MYRIP: variants seen among roughly 807,000 people sequenced by gnomAD.
MYRIP encodes the protein rab effector MyRIP.
In MYRIP, 49 loss-of-function variants were observed where a neutral mutation model predicts 98.0. The observed-to-expected ratio is 0.50, with a 90% CI of 0.40 to 0.63. The LOEUF (loss-of-function observed/expected upper bound fraction) is 0.63. MYRIP is among the 30% of genes least tolerant of loss of function. The pLI is 0.00. For missense variants in MYRIP, 1,004 were observed against 1,058.2 expected (o/e 0.95, Z 0.71); for synonymous variants, 404 against 409.5 (o/e 0.99, Z 0.16).
At chr3:40,028,793 T>C (rs540511531) in intron 2 of MYRIP, among the ~76,000 whole-genome samples, 24 of 152,286 alleles carry the variant, frequency 1.6e-4, no homozygotes, top group African/African-American at 5.5e-4. Context: ...AGTCATACTA[T>C]ACAATTCTGC....
chr3:40,216,717 GA>G (rs1387883846), intron 11 of MYRIP, among the ~76,000 whole-genome samples: 2 of 152,102 alleles, frequency 1.3e-5, no homozygotes, highest in Non-Finnish European at 2.9e-5. Flanking sequence ...CCATTGGGGG[GA>G]AAACCCTCTC....
chr3:39,815,195 C>T (rs961115839), intron 1 of MYRIP, among the ~76,000 whole-genome samples: 1 of 152,170 alleles, frequency 6.6e-6, no homozygotes, highest in Non-Finnish European at 1.5e-5. Context: ...CTGCCACACA[C>T]CCAGCCCTAG....
At chr3:40,114,289 C>T (rs1031245389) in intron 3 of MYRIP, among the ~76,000 whole-genome samples, 1 of 152,158 alleles carries the variant, frequency 6.6e-6, no homozygotes, top group Non-Finnish European at 1.5e-5. Flanking sequence ...CAATTACGTG[C>T]TGTACAGGTT....
chr3:40,202,909 A>AC (rs1559450251), intron 10 of MYRIP, among the ~76,000 whole-genome samples: 629 of 56,230 alleles, frequency 0.011, 1 homozygote, highest in African/African-American at 0.023. Context: ...CCATTTACTT[A>AC]TTTATTTATT....
intron 16 of MYRIP, among the ~76,000 whole-genome samples, chr3:40,254,102 T>C (rs1207258189): frequency 2.0e-5 from 3 of 152,316 alleles, no homozygotes; most frequent in African/African-American, 7.2e-5. Flanking sequence ...CAGAAAGGAC[T>C]GTTGGCTCTT....
Position 40,204,190 on chromosome 3 carries a change from A to ATAT in MYRIP, c.1666-5664_1666-5663insTAT, listed in dbSNP as rs1559452001. Among the ~76,000 whole-genome samples the ATAT allele has an allele frequency of 5.6e-3, 125 of 22,416 alleles. 3 individuals carry two copies. The highest frequency in any genetic ancestry group is 0.013 in the African/African-American group (103 of 7,818). 14.7% of individuals were successfully genotyped at this position (22,416 alleles called of 152,430 possible). A position where few individuals can be genotyped will look rare whatever the true frequency, so the allele number is the denominator to read the frequency against. On this transcript the variant is annotated intron_variant, in intron 10 of 16. Transcript: ENST00000302541. The stretch of plus-strand genomic sequence containing the variant: ...AATATTTATATATTATATAATATAT[A>ATAT]AATATTATATTATATATTTATATAT...
intron 3 of MYRIP, among the ~76,000 whole-genome samples, chr3:40,089,627 A>G (rs1013416458): frequency 7.2e-5 from 11 of 152,226 alleles, no homozygotes; most frequent in African/African-American, 2.4e-4. Flanking sequence ...AAAAACAAAC[A>G]AAGGCAAAAA....
rs1575492166 is a variant in MYRIP, at chr3:40,044,854, G to A, written c.332+583G>A. Among the ~76,000 whole-genome samples the A allele has an allele frequency of 2.0e-5, 3 of 152,324 alleles. No homozygotes were observed. In the South Asian group the frequency reaches 6.2e-4, roughly 32 times the overall value. ...TGAAAGACAAAAAAGAGTCAATGCTGTGAAAGGGGAGATGAAGACAACTTT... is the reference window on the plus strand; with the variant it reads ...TGAAAGACAAAAAAGAGTCAATGCTATGAAAGGGGAGATGAAGACAACTTT... On this transcript the variant is annotated intron_variant, in intron 3 of 16. Transcript: ENST00000302541.
intron 1 of MYRIP, among the ~76,000 whole-genome samples, chr3:39,882,718 A>T (rs889320408): frequency 6.6e-6 from 1 of 152,138 alleles, no homozygotes; most frequent in Non-Finnish European, 1.5e-5. Context: ...TGAGGAATAC[A>T]TTAGTTAAAT....
intron 2 of MYRIP, among the ~76,000 whole-genome samples, chr3:39,957,102 A>G (rs1183652910): frequency 1.3e-5 from 2 of 151,886 alleles, no homozygotes; most frequent in Non-Finnish European, 2.9e-5. Context: ...CCAGAGGTAC[A>G]AAGAGAAGCT....
At chr3:40,172,695 T>G (rs1377359008) in intron 8 of MYRIP, among the ~76,000 whole-genome samples, 1 of 152,230 alleles carries the variant, frequency 6.6e-6, no homozygotes, top group Non-Finnish European at 1.5e-5. Context: ...ATCACTTATC[T>G]GCCTGCTCCA....
intron 2 of MYRIP, among the ~76,000 whole-genome samples, chr3:39,901,414 CT>C (rs1943739818): frequency 6.6e-6 from 1 of 152,168 alleles, no homozygotes. Flanking sequence ...CTTAGCACCA[CT>C]TCCCTCATTT....
intron 2 of MYRIP, among the ~76,000 whole-genome samples, chr3:39,907,661 G>A (rs1309682418): frequency 1.3e-5 from 2 of 152,132 alleles, no homozygotes; most frequent in African/African-American, 4.8e-5. Flanking sequence ...TTCTCACAGC[G>A]ACATAGCCTA....
Position 40,029,889 on chromosome 3 carries a change from G to A in MYRIP, c.111-14161G>A, listed in dbSNP as rs368227060. On this transcript the variant is annotated intron_variant, in intron 2 of 16. Transcript: ENST00000302541. ...AGCCTGGGCAGCAAAGCAAGACCCC[G>A]TCTCTACAAAAAAATTATTTAAAAA... 6.5e-4 allele frequency among the ~76,000 whole-genome samples: 99 copies of A among 151,898 alleles called. 1 individual carries two copies. The highest frequency in any genetic ancestry group is 2.0e-3 in the African/African-American group (82 of 41,434).
chr3:40,153,925 A>G, intron 4 of MYRIP, among the ~76,000 whole-genome samples: 1 of 152,100 alleles, frequency 6.6e-6, no homozygotes, highest in East Asian at 1.9e-4. Flanking sequence ...GCAGATCACA[A>G]GGTCAGGAGA....
chr3:40,065,834 C>T (rs1450353924), intron 3 of MYRIP, among the ~76,000 whole-genome samples: 1 of 152,102 alleles, frequency 6.6e-6, no homozygotes, highest in Non-Finnish European at 1.5e-5. Flanking sequence ...TATCTTTGTA[C>T]CCAACACAGC....
At chr3:39,999,138 A>G (rs1946449313) in intron 2 of MYRIP, among the ~76,000 whole-genome samples, 1 of 152,222 alleles carries the variant, frequency 6.6e-6, no homozygotes, top group Non-Finnish European at 1.5e-5. Flanking sequence ...CATGTCTAAA[A>G]CACCAAAAGC....
intron 1 of MYRIP, among the ~76,000 whole-genome samples, chr3:39,828,582 G>T (rs1229821295): frequency 2.0e-5 from 3 of 152,096 alleles, no homozygotes; most frequent in Non-Finnish European, 4.4e-5. Context: ...CCCATCACCT[G>T]AGCAGTATAC....
At chr3:40,015,166 T>A (rs148649230) in intron 2 of MYRIP, among the ~76,000 whole-genome samples, 1 of 152,254 alleles carries the variant, frequency 6.6e-6, no homozygotes, top group Non-Finnish European at 1.5e-5. Flanking sequence ...TTGTTCTTGC[T>A]GGTTCCTCAT....
Sources: gnomAD v4.1 joint callset for allele counts (sites outside exome capture counted in the v4.1 genomes callset) on GRCh38, gnomAD v4.1.1 for gene constraint, MANE v1.5 for transcripts, NCBI Gene and HGNC (gene_info 2026-07-23, HGNC 2026-07-21) for gene names.